The following GMDS variants were observed in gnomAD, a reference collection of about 807,000 sequenced individuals.
GMDS encodes the protein GDP-mannose 4,6 dehydratase.
A neutral mutation model predicts 49.9 loss-of-function variants in GMDS; 20 were observed. The observed-to-expected ratio is 0.40, with a 90% CI of 0.28 to 0.58. GMDS has a LOEUF of 0.58. Among genes scored for constraint, GMDS ranks in the 20% least tolerant of loss-of-function variants. The pLI is 0.42. For synonymous variants in GMDS, 177 were observed against 178.6 expected, an observed-to-expected ratio of 0.99 and a Z score of 0.07; for missense variants, 362 against 481.4, an observed-to-expected ratio of 0.75 and a Z score of 2.32.
At chr6:1,840,456 C>T (rs1314596665) in intron 7 of GMDS, among the ~76,000 whole-genome samples, 1 of 152,120 alleles carries the variant, frequency 6.6e-6, no homozygotes, top group East Asian at 1.9e-4. Flanking sequence ...TAGGCTTGTG[C>T]AAGTAAAAAG....
intron 4 of GMDS, among the ~76,000 whole-genome samples, chr6:1,986,007 T>G (rs903599114): frequency 1.3e-5 from 2 of 152,202 alleles, no homozygotes; most frequent in African/African-American, 4.8e-5. Context: ...AACCTTAGCT[T>G]GGTACACTGG....
rs114068194 is a variant in GMDS at position 1,866,919 on chromosome 6, C to T, written c.771+63184G>A. On this transcript the variant is annotated intron_variant, in intron 7 of 10. Coordinates refer to ENST00000380815, the MANE Select transcript of GMDS (RefSeq NM_001500.4). ...ACACACCATGCTCACTGGATGATAA[C>T]AACAATATATTCCTTGGTTTATAAT... Among the ~76,000 whole-genome samples, 748 of 152,362 alleles carry T rather than the reference C, an allele frequency of 4.9e-3. 7 individuals carry two copies. Among genetic ancestry groups the T allele is most frequent in the African/African-American group, 0.017 (700 of 41,590 alleles).
chr6:1,856,395 A>G (rs1757940170), intron 7 of GMDS, among the ~76,000 whole-genome samples: 1 of 152,182 alleles, frequency 6.6e-6, no homozygotes, highest in Non-Finnish European at 1.5e-5. Flanking sequence ...TACTTCCATA[A>G]ATCAGAAAAC....
chr6:1,868,525 G>A (rs1354495038), intron 7 of GMDS, among the ~76,000 whole-genome samples: 3 of 152,166 alleles, frequency 2.0e-5, no homozygotes, highest in East Asian at 1.9e-4. Context: ...GAAGGAAATC[G>A]AGAGCCATAT....
intron 7 of GMDS, among the ~76,000 whole-genome samples, chr6:1,898,765 G>A (rs1374139825): frequency 1.3e-5 from 2 of 152,158 alleles, no homozygotes; most frequent in African/African-American, 4.8e-5. Context: ...CTAAAGGAAG[G>A]TGCTGTGAGA....
intron 4 of GMDS, among the ~76,000 whole-genome samples, chr6:2,076,311 T>C (rs1256334142): frequency 6.6e-6 from 1 of 152,152 alleles, no homozygotes; most frequent in Non-Finnish European, 1.5e-5. Context: ...GAAGAATCAA[T>C]ATCGTGAAAA....
Position 1,943,631 on chromosome 6 carries a change from A to G in GMDS, c.644-13401T>C, listed in dbSNP as rs902050320. ...CCATAATTCCAGAGTCTCAGGAATG[A>G]TTAAATGCTTCCACTGATACATTTA... On this transcript the variant is annotated intron_variant, in intron 6 of 10. Coordinates refer to ENST00000380815, the MANE Select transcript of GMDS (RefSeq NM_001500.4). 3.3e-5 allele frequency among the ~76,000 whole-genome samples: 5 copies of G among 152,240 alleles called. No homozygotes were observed. The East Asian group carries it at 9.6e-4, about 29-fold the overall frequency.
At chr6:1,658,532 G>A (rs1581421995) in intron 9 of GMDS, among the ~76,000 whole-genome samples, 1 of 152,328 alleles carries the variant, frequency 6.6e-6, no homozygotes, top group African/African-American at 2.4e-5. Context: ...TTCCTCTACT[G>A]TATGACACAC....
chr6:1,770,120 C>T (rs1225973983), intron 7 of GMDS, among the ~76,000 whole-genome samples: 2 of 152,144 alleles, frequency 1.3e-5, no homozygotes, highest in South Asian at 2.1e-4. Context: ...TTTAAAAGCA[C>T]TTATTATTAA....
chr6:1,790,083 A>G (rs992866898), intron 7 of GMDS, among the ~76,000 whole-genome samples: 31 of 152,134 alleles, frequency 2.0e-4, no homozygotes, highest in Non-Finnish European at 1.3e-4. Flanking sequence ...TTTTTGATGA[A>G]CTGCTTCTCA....
intron 4 of GMDS, among the ~76,000 whole-genome samples, chr6:1,973,808 A>G (rs1341763549): frequency 1.3e-5 from 2 of 152,168 alleles, no homozygotes; most frequent in African/African-American, 4.8e-5. Context: ...CAGAACAACA[A>G]CAAAAAAAAG....
chr6:1,730,267 A>G (rs1477974808), intron 8 of GMDS, among the ~76,000 whole-genome samples: 1 of 152,198 alleles, frequency 6.6e-6, no homozygotes, highest in East Asian at 1.9e-4. Context: ...CCCTTTCAAA[A>G]AAGGAATAAA....
chr6:1,877,397 TGA>T (rs1418702224), intron 7 of GMDS, among the ~76,000 whole-genome samples: 1 of 152,022 alleles, frequency 6.6e-6, no homozygotes, highest in Non-Finnish European at 1.5e-5. Context: ...CTCAGTACTT[TGA>T]GAGGCCAAGG....
intron 1 of GMDS, among the ~76,000 whole-genome samples, chr6:2,192,476 T>C (rs1779075655): frequency 6.6e-6 from 1 of 152,164 alleles, no homozygotes; most frequent in Non-Finnish European, 1.5e-5. Flanking sequence ...ACTCATCAAA[T>C]TGCAGGTGAA....
intron 4 of GMDS, among the ~76,000 whole-genome samples, chr6:2,041,414 G>A (rs1426870225): frequency 2.0e-5 from 3 of 152,220 alleles, no homozygotes; most frequent in African/African-American, 7.2e-5. Flanking sequence ...TAACACCCAT[G>A]ACATTTATCT....
intron 1 of GMDS, among the ~76,000 whole-genome samples, chr6:2,169,542 A>C (rs1777837007): frequency 6.7e-6 from 1 of 148,220 alleles, no homozygotes; most frequent in South Asian, 2.2e-4. Flanking sequence ...AAGGATGCAG[A>C]GGTTGCAGTG....
chr6:1,783,000 T>A (rs956569552), intron 7 of GMDS, among the ~76,000 whole-genome samples: 1 of 151,492 alleles, frequency 6.6e-6, no homozygotes, highest in African/African-American at 2.4e-5. Context: ...CAAAAAAAAA[T>A]TTAAAATAGT....
In GMDS at chr6:2,003,120, T is replaced by A. The variant is rs1197538977; in HGVS notation, c.346-42154A>T. Among the ~76,000 whole-genome samples, 3 of 151,784 alleles carry A rather than the reference T, an allele frequency of 2.0e-5. No homozygotes were observed. The East Asian group carries it at 5.8e-4, about 29-fold the overall frequency. ...CTAAGCTAACATACTTGTAAAAGAG[T>A]GTCAGAGTGAAAATCAGATTCCATA... On this transcript the variant is annotated intron_variant, in intron 4 of 10. Coordinates refer to ENST00000380815, the MANE Select transcript of GMDS (RefSeq NM_001500.4).
At chr6:2,187,426 T>C (rs969111936) in intron 1 of GMDS, among the ~76,000 whole-genome samples, 1 of 152,218 alleles carries the variant, frequency 6.6e-6, no homozygotes, top group Non-Finnish European at 1.5e-5. Flanking sequence ...AGACCTAAAC[T>C]ACTCCTTAGA....
Sources: allele counts gnomAD v4.1 joint callset (sites outside exome capture counted in the v4.1 genomes callset), GRCh38; gene constraint gnomAD v4.1.1; transcripts MANE v1.5; gene names NCBI Gene and HGNC (gene_info 2026-07-23, HGNC 2026-07-21).